SLC16A10: variants seen among roughly 807,000 people sequenced by gnomAD.
The protein encoded by SLC16A10 is monocarboxylate transporter 10.
A neutral mutation model predicts 40.0 loss-of-function variants in SLC16A10; 27 were observed. The observed-to-expected ratio is 0.67, with a 90% CI of 0.50 to 0.93. SLC16A10 has a LOEUF of 0.93. SLC16A10 is among the 40% of genes least tolerant of loss of function. SLC16A10 has a pLI of 0.00. For synonymous variants in SLC16A10, 213 were observed against 249.8 expected (o/e 0.85, Z 1.39); for missense variants, 529 against 658.2 (o/e 0.80, Z 2.15).
chr6:111,134,293 A>G (rs1771838544), intron 1 of SLC16A10, among the ~76,000 whole-genome samples: 1 of 152,232 alleles, frequency 6.6e-6, no homozygotes, highest in East Asian at 1.9e-4. Flanking sequence ...CCACTATAAC[A>G]CAGGGAAAGA....
intron 1 of SLC16A10, among the ~76,000 whole-genome samples, chr6:111,143,587 A>G (rs887105178): frequency 2.6e-5 from 4 of 152,154 alleles, no homozygotes; most frequent in African/African-American, 9.7e-5. Flanking sequence ...CTAAGTGAAG[A>G]AGCCAGTCTG....
intron 4 of SLC16A10, 99 bp from the exon 5 acceptor site, chr6:111,218,715 G>A (rs1484875082): frequency 1.0e-6 from 1 of 954,276 alleles, no homozygotes; most frequent in African/African-American, 1.6e-5. Flanking sequence ...AGGGGGGAAA[G>A]GGGGAACCAG....
At chr6:111,109,817 T>C (rs556937819) in intron 1 of SLC16A10, among the ~76,000 whole-genome samples, 1 of 152,328 alleles carries the variant, frequency 6.6e-6, no homozygotes, top group African/African-American at 2.4e-5. Context: ...TTGCCTATTA[T>C]GAATAGAACT....
chr6:111,150,456 A>C (rs1345331340), intron 1 of SLC16A10, among the ~76,000 whole-genome samples: 1 of 152,244 alleles, frequency 6.6e-6, no homozygotes, highest in Non-Finnish European at 1.5e-5. Context: ...TAAATCCCAG[A>C]TATCGATATC....
chr6:111,168,115 G>A (rs1346787686), intron 1 of SLC16A10, among the ~76,000 whole-genome samples: 1 of 152,020 alleles, frequency 6.6e-6, no homozygotes, highest in Non-Finnish European at 1.5e-5. Context: ...GAATAGCTGG[G>A]ATTACAGGCA....
At position 111,106,821 on chromosome 6, in the gene SLC16A10, A is replaced by G. The variant is rs758038093; in HGVS notation, c.343+18726A>G. 3.9e-5 allele frequency among the ~76,000 whole-genome samples: 6 copies of G among 152,246 alleles called. No individual in the cohort carries two copies. The East Asian group carries it at 5.8e-4, about 15-fold the overall frequency. Reference sequence around the variant, plus strand: ...GTTTATGGAACAACAGTGAAAATACATTGATACACTGTCTTGTGGTAGATT... The same window carrying G: ...GTTTATGGAACAACAGTGAAAATACGTTGATACACTGTCTTGTGGTAGATT... On this transcript the variant is annotated intron_variant, in intron 1 of 5. Coordinates refer to ENST00000368851, the MANE Select transcript of SLC16A10 (RefSeq NM_018593.5).
At chr6:111,161,814 T>C (rs938744752) in intron 1 of SLC16A10, among the ~76,000 whole-genome samples, 1 of 152,090 alleles carries the variant, frequency 6.6e-6, no homozygotes, top group Non-Finnish European at 1.5e-5. Flanking sequence ...GAGGCTCGGC[T>C]TTGGTCAGCT....
intron 3 of SLC16A10, among the ~76,000 whole-genome samples, chr6:111,204,412 T>C (rs1340363382): frequency 6.6e-6 from 1 of 151,650 alleles, no homozygotes; most frequent in East Asian, 1.9e-4. Flanking sequence ...GAAACAGGAG[T>C]GGATATGTCT....
chr6:111,170,364 T>A (rs77815103), intron 1 of SLC16A10, among the ~76,000 whole-genome samples: 8 of 152,366 alleles, frequency 5.3e-5, no homozygotes, highest in African/African-American at 1.9e-4. Flanking sequence ...ATGTTAGTTG[T>A]CAGGCAATGT....
intron 3 of SLC16A10, among the ~76,000 whole-genome samples, chr6:111,203,751 T>TAAATAAATAAATAAATAAATAAATAAAA (rs1554261471): frequency 2.0e-5 from 3 of 147,678 alleles, no homozygotes; most frequent in Admixed American, 6.8e-5. Context: ...AATAAATAAA[T>TAAATAAATAAATAAATAAATAAATAAAA]AAAATAATGC....
Position 111,226,652 on chromosome 6 carries a change from T to C in SLC16A10, c.*4417T>C, listed in dbSNP as rs1298212938. 6.6e-6 allele frequency: 1 copy of C among 152,230 alleles called. No homozygotes were observed. The highest frequency in any genetic ancestry group is 1.5e-5 in the Non-Finnish European group (1 of 68,032). The allele number at this position is 152,230 out of a possible 1,614,324, so 9.4% of individuals were successfully genotyped here. A position where few individuals can be genotyped will look rare whatever the true frequency, so the allele number is the denominator to read the frequency against. On this transcript the variant is annotated 3_prime_UTR_variant, in exon 6 of 6. Transcript: ENST00000368851. ...CCTTCTTTTTACATCTATATGTTTT[T>C]ATAATTTGAAAGGCAAGTAGTATCT...
chr6:111,159,595 T>C lies in SLC16A10; in HGVS notation c.344-13100T>C, dbSNP rs139725713. ...TAGAAATAAAGCAGCTATAAACATT[T>C]GTATATAAGTTTTTGTATAGGCATA... On this transcript the variant is annotated intron_variant, in intron 1 of 5. Coordinates refer to ENST00000368851, the MANE Select transcript of SLC16A10 (RefSeq NM_018593.5). 2.8e-4 allele frequency among the ~76,000 whole-genome samples: 43 copies of C among 152,358 alleles called. 1 individual carries two copies. In the East Asian group the frequency reaches 6.0e-3, roughly 21 times the overall value.
rs189658686 is a variant in SLC16A10 at position 111,207,455 on chromosome 6, A to C, written c.1086+720A>C. 2.3e-3 allele frequency among the ~76,000 whole-genome samples: 343 copies of C among 152,328 alleles called. 1 individual carries two copies. Among genetic ancestry groups the C allele is most frequent in the African/African-American group, 7.9e-3 (327 of 41,574 alleles). ...GCTAATTCCAAGATCATTGCTGACA[A>C]TCAACAGAACAGGTATTGAAGTGAC... On this transcript the variant is annotated intron_variant, in intron 4 of 5. Transcript: ENST00000368851.
Position 111,087,794 on chromosome 6 carries a change from G to A in SLC16A10, c.42G>A (p.Thr14=), listed in dbSNP as rs1206068464. The A allele has an allele frequency of 7.9e-7, 1 of 1,261,870 alleles. No homozygotes were observed. The highest frequency in any genetic ancestry group is 1.6e-5 in the African/African-American group (1 of 63,838). The allele number at this position is 1,261,870 out of a possible 1,614,324, so 78.2% of individuals were successfully genotyped here. A position where few individuals can be genotyped will look rare whatever the true frequency, so the allele number is the denominator to read the frequency against. Residue 14 remains threonine (T), a synonymous_variant, in exon 1 of 6, where the codon ACG becomes ACA. Coordinates refer to ENST00000368851, the MANE Select transcript of SLC16A10 (RefSeq NM_018593.5). Reference sequence around the variant, plus strand: ...AGGAGCCGGACTCCGCGCGGGGCACGAGCGAGGCGCAGCCGCTCGGCCCCG... The same window carrying A: ...AGGAGCCGGACTCCGCGCGGGGCACAAGCGAGGCGCAGCCGCTCGGCCCCG... ...SQEEPDSARG[T]SEAQPLGPAP... is the part of the protein sequence containing the mutation.
chr6:111,127,603 G>T (rs1771699702), intron 1 of SLC16A10, among the ~76,000 whole-genome samples: 1 of 152,212 alleles, frequency 6.6e-6, no homozygotes, highest in Non-Finnish European at 1.5e-5. Flanking sequence ...AGAATCTTAT[G>T]TGACATACAA....
chr6:111,167,808 A>G (rs986794489), intron 1 of SLC16A10, among the ~76,000 whole-genome samples: 1 of 151,850 alleles, frequency 6.6e-6, no homozygotes, highest in African/African-American at 2.4e-5. Flanking sequence ...AGCTGGGGGT[A>G]CTGTTGTGTG....
chr6:111,163,146 A>ATTTTTTT (rs34027805), intron 1 of SLC16A10, among the ~76,000 whole-genome samples: 1 of 85,308 alleles, frequency 1.2e-5, no homozygotes, highest in Non-Finnish European at 2.2e-5. Flanking sequence ...CAACATAATA[A>ATTTTTTT]TTTTTTTTTT....
At chr6:111,146,927 A>G (rs993535531) in intron 1 of SLC16A10, among the ~76,000 whole-genome samples, 2 of 152,194 alleles carry the variant, frequency 1.3e-5, no homozygotes, top group African/African-American at 2.4e-5. Flanking sequence ...TGAAAACTAT[A>G]CTAAATGAAA....
At position 111,177,288 on chromosome 6, in the gene SLC16A10, G is replaced by A. The variant is rs1772703658; in HGVS notation, c.565G>A (p.Val189Ile). ...GCSFAYQPSL[V>I]ILGHYFKKRL... ...CTCCTTTGCATACCAGCCTTCATTG[G>A]TCATTTTGGGACACTATTTCAAGAA... The change falls in exon 3 of 6, where the codon GTC (valine) becomes ATC (isoleucine). Residue 189 changes from valine to isoleucine, a missense_variant. Transcript: ENST00000368851. 2.5e-6 allele frequency: 4 copies of A among 1,609,630 alleles called. No homozygotes were observed. Among genetic ancestry groups the A allele is most frequent in the Non-Finnish European group, 3.4e-6 (4 of 1,178,346 alleles).
Sources: allele counts gnomAD v4.1 joint callset (sites outside exome capture counted in the v4.1 genomes callset), GRCh38; gene constraint gnomAD v4.1.1; transcripts MANE v1.5; gene names NCBI Gene and HGNC (gene_info 2026-07-23, HGNC 2026-07-21).